Variants in ANKRD45 observed in about 807,000 individuals in gnomAD.
The protein encoded by ANKRD45 is ankyrin repeat domain-containing protein 45.
A neutral mutation model predicts 28.1 loss-of-function variants in ANKRD45; 21 were observed. The observed-to-expected ratio is 0.75, with a 90% CI of 0.53 to 1.08. The LOEUF is 1.08. Among genes scored for constraint, ANKRD45 ranks in the 50% least tolerant of loss-of-function variants. ANKRD45 has a pLI of 0.00. For missense variants in ANKRD45, 261 were observed against 308.7 expected (o/e 0.85, Z 1.16); for synonymous variants, 86 against 103.9 (o/e 0.83, Z 1.05).
chr1:173,701,037 A>T, the ANKRD45 span, among the ~76,000 whole-genome samples: 1 of 152,242 alleles, frequency 6.6e-6, no homozygotes, highest in East Asian at 1.9e-4. Flanking sequence ...TCAAAAGAAG[A>T]CATTTCTGCA....
chr1:173,633,287 C>T (rs1011010632), intron 3 of ANKRD45, among the ~76,000 whole-genome samples: 3 of 151,090 alleles, frequency 2.0e-5, no homozygotes, highest in African/African-American at 7.3e-5. Flanking sequence ...AAACTTAACC[C>T]AAAAAGTGAA....
At chr1:173,637,590 C>T (rs1233931685) in intron 3 of ANKRD45, among the ~76,000 whole-genome samples, 1 of 152,144 alleles carries the variant, frequency 6.6e-6, no homozygotes. Context: ...TTGGGAAGTT[C>T]TAAGTTGCTA....
Position 173,646,891 on chromosome 1 carries a change from C to T in ANKRD45, c.451G>A (p.Ala151Thr), listed in dbSNP as rs1471012539. The T allele has an allele frequency of 2.5e-6, 4 of 1,614,166 alleles. No homozygotes were observed. The highest frequency in any genetic ancestry group is 1.7e-5 in the Admixed American group (1 of 60,030). The change falls in exon 3 of 6, where the codon GCT becomes ACT. Residue 151 changes from alanine (A) to threonine (T), a missense_variant. Physicochemically the swap from Ala to Thr is moderately conservative, Grantham distance 58 (BLOSUM62 0). Coordinates refer to ENST00000333279, the MANE Select transcript of ANKRD45 (RefSeq NM_198493.3). Reference protein sequence around the residue: ...FREERARDVAARYSQTECVEF... With the variant: ...FREERARDVATRYSQTECVEF... ...ACACACTCAGTCTGAGAATATCTAG[C>T]AGCAACATCTCGAGCCCTTTCTTCC...
rs1362680942 is a variant in ANKRD45, at chr1:173,609,171, G to A, written c.*974C>T. The stretch of plus-strand genomic sequence containing the variant: ...AAGGATAAAAAACTAAAAACTTTGG[G>A]AGACATTTAAAACAGGGTTATCTCA... On this transcript the variant is annotated 3_prime_UTR_variant, in exon 6 of 6. Transcript: ENST00000333279. 1.3e-5 allele frequency among the ~76,000 whole-genome samples: 2 copies of A among 152,104 alleles called. No individual in the cohort carries two copies. The highest frequency in any genetic ancestry group is 2.4e-5 in the African/African-American group (1 of 41,420).
chr1:173,654,003 G>A (rs1669372470), intron 2 of ANKRD45, among the ~76,000 whole-genome samples: 1 of 141,030 alleles, frequency 7.1e-6, no homozygotes, highest in African/African-American at 2.7e-5. Flanking sequence ...GTGTGTCTCT[G>A]CACATGAGAT....
chr1:173,681,892 A>C, the ANKRD45 span, among the ~76,000 whole-genome samples: 2 of 152,100 alleles, frequency 1.3e-5, no homozygotes, highest in East Asian at 3.9e-4. Context: ...TCTACTAAAA[A>C]TACAAAAATT....
chr1:173,708,900 G>A, the ANKRD45 span, among the ~76,000 whole-genome samples: 37,165 of 152,130 alleles, frequency 0.24, 4,782 homozygotes, highest in Middle Eastern at 0.41. Flanking sequence ...AGCTCCCATC[G>A]TAGTGCTCTC....
At chr1:173,662,131 A>G (rs1222304503) in intron 1 of ANKRD45, among the ~76,000 whole-genome samples, 1 of 152,182 alleles carries the variant, frequency 6.6e-6, no homozygotes, top group Admixed American at 6.6e-5. Flanking sequence ...CAGACAATAC[A>G]CAAATGAATG....
intron 5 of ANKRD45, among the ~76,000 whole-genome samples, chr1:173,611,620 C>CAA (rs1553263828): frequency 3.1e-4 from 26 of 84,628 alleles, no homozygotes; most frequent in Non-Finnish European, 3.8e-4. Flanking sequence ...CACACACACA[C>CAA]AATAAAAATA....
chr1:173,693,319 A>C, the ANKRD45 span, among the ~76,000 whole-genome samples: 1 of 152,076 alleles, frequency 6.6e-6, no homozygotes, highest in African/African-American at 2.4e-5. Context: ...TTTCTTGTTA[A>C]TTTCCCCATT....
intron 1 of ANKRD45, 90 bp from the exon 2 acceptor site, chr1:173,659,523 A>G (rs1669691297): frequency 1.8e-6 from 2 of 1,140,878 alleles, no homozygotes; most frequent in South Asian, 1.9e-5. Context: ...GACAATATAG[A>G]TGGTATAAAA....
intron 1 of ANKRD45, chr1:173,669,334 A>G (rs1356397466): frequency 7.1e-6 from 3 of 423,948 alleles, no homozygotes; most frequent in African/African-American, 2.1e-5. Context: ...CAGGCGACGC[A>G]GCCTGAAGTT....
At chr1:173,699,128 G>A in the ANKRD45 span, among the ~76,000 whole-genome samples, 1 of 152,194 alleles carries the variant, frequency 6.6e-6, no homozygotes, top group African/African-American at 2.4e-5. Context: ...CCAGGAGGAA[G>A]TTGAATCACT....
intron 3 of ANKRD45, among the ~76,000 whole-genome samples, chr1:173,639,390 C>T (rs1444395692): frequency 1.3e-5 from 2 of 152,170 alleles, no homozygotes; most frequent in Non-Finnish European, 2.9e-5. Flanking sequence ...ATGCCTTTCA[C>T]TTAACTCCTT....
At chr1:173,635,003 T>C (rs1668363439) in intron 3 of ANKRD45, among the ~76,000 whole-genome samples, 1 of 152,052 alleles carries the variant, frequency 6.6e-6, no homozygotes, top group Admixed American at 6.5e-5. Context: ...TACTATTTTT[T>C]AAGTAAATGT....
upstream of ANKRD45, among the ~76,000 whole-genome samples, chr1:173,673,862 G>C (rs919489626): frequency 3.9e-5 from 6 of 152,098 alleles, no homozygotes; most frequent in African/African-American, 1.2e-4. Flanking sequence ...TAATATTAAA[G>C]CCACTCCCCT....
chr1:173,666,683 C>T (rs80013935), intron 1 of ANKRD45, among the ~76,000 whole-genome samples: 2,536 of 152,166 alleles, frequency 0.017, 83 homozygotes, highest in African/African-American at 0.059. Context: ...TGGTTTAATC[C>T]GCAGATACAG....
the ANKRD45 span, among the ~76,000 whole-genome samples, chr1:173,699,665 G>A: frequency 6.6e-6 from 1 of 152,156 alleles, no homozygotes; most frequent in South Asian, 2.1e-4. Flanking sequence ...TTGATGGGAT[G>A]TATCTCAAAA....
chr1:173,683,490 G>A, the ANKRD45 span, among the ~76,000 whole-genome samples: 5 of 152,212 alleles, frequency 3.3e-5, 1 homozygote, highest in South Asian at 2.1e-4. Context: ...TTTAGATCTC[G>A]AACAAATTTG....
Sources: allele counts gnomAD v4.1 joint callset (sites outside exome capture counted in the v4.1 genomes callset), GRCh38; gene constraint gnomAD v4.1.1; transcripts MANE v1.5; gene names NCBI Gene and HGNC (gene_info 2026-07-23, HGNC 2026-07-21).